Variants in CFAP54 observed in about 807,000 individuals in gnomAD.
CFAP54 encodes the protein cilia and flagella associated protein 54, also known as cilia- and flagella-associated protein 54.
In CFAP54, 290 loss-of-function variants were observed where a neutral mutation model predicts 370.4. That is an observed-to-expected ratio of 0.78 (90% confidence interval 0.71 to 0.86). The LOEUF (loss-of-function observed/expected upper bound fraction) is 0.86, where lower values mean the gene tolerates loss of function less well. Ranked by LOEUF, CFAP54 falls within the 40% of genes least tolerant of loss-of-function variation. The probability of loss-of-function intolerance (pLI) is 0.00; values close to 1 mark genes in which losing one functional copy is unlikely to be tolerated. For missense variants in CFAP54, 3,399 were observed against 3,528.7 expected (o/e 0.96, Z 0.93); for synonymous variants, 1,206 against 1,236.5 (o/e 0.98, Z 0.52).
intron 32 of CFAP54, among the ~76,000 whole-genome samples, chr12:96,634,044 A>ATTTTTTTTTTTTTTTTT (rs1238845346): frequency 1.2e-5 from 1 of 85,358 alleles, no homozygotes; most frequent in Admixed American, 1.4e-4. Context: ...GATAGCGAAC[A>ATTTTTTTTTTTTTTTTT]TCTTTTTTTT....
At chr12:96,850,629 G>T (rs186406494) in intron 66 of CFAP54, among the ~76,000 whole-genome samples, 3 of 152,236 alleles carry the variant, frequency 2.0e-5, no homozygotes, top group Non-Finnish European at 4.4e-5. Flanking sequence ...GGTCTCATGG[G>T]TGTGTATATT....
intron 35 of CFAP54, among the ~76,000 whole-genome samples, chr12:96,650,381 C>T (rs985400893): frequency 2.6e-5 from 4 of 151,958 alleles, no homozygotes; most frequent in South Asian, 2.1e-4. Context: ...ACCTCTCTGC[C>T]GAGACATGGG....
At chr12:96,829,607 A>G (rs1959164624) in intron 66 of CFAP54, among the ~76,000 whole-genome samples, 1 of 151,980 alleles carries the variant, frequency 6.6e-6, no homozygotes, top group Non-Finnish European at 1.5e-5. Flanking sequence ...CAGTTGATTG[A>G]TCTTAGTACA....
chr12:96,767,153 C>CT (rs1958408961), intron 60 of CFAP54, among the ~76,000 whole-genome samples: 1 of 152,204 alleles, frequency 6.6e-6, no homozygotes, highest in African/African-American at 2.4e-5. Context: ...ATATACACTG[C>CT]TTGTACAGGA....
chr12:96,776,088 A>C (rs1304786819), intron 60 of CFAP54, among the ~76,000 whole-genome samples: 1 of 152,174 alleles, frequency 6.6e-6, no homozygotes, highest in East Asian at 1.9e-4. Context: ...AAAACCAATA[A>C]AATTAGAAAG....
chr12:96,491,291 T>C (rs1565872474), intron 1 of CFAP54, among the ~76,000 whole-genome samples: 1 of 152,142 alleles, frequency 6.6e-6, no homozygotes, highest in Non-Finnish European at 1.5e-5. Flanking sequence ...GGGAAAGACC[T>C]GGGGTGGAAT....
chr12:96,823,593 C>T (rs1959056468), intron 65 of CFAP54, among the ~76,000 whole-genome samples: 1 of 152,176 alleles, frequency 6.6e-6, no homozygotes, highest in African/African-American at 2.4e-5. Flanking sequence ...TATGTGCTTC[C>T]TCTGCTCTGA....
chr12:96,826,374 A>AC, intron 65 of CFAP54, among the ~76,000 whole-genome samples: 1 of 137,664 alleles, frequency 7.3e-6, no homozygotes, highest in African/African-American at 2.7e-5. Flanking sequence ...AGTTATATAT[A>AC]TTCAATATAT....
At chr12:96,753,982 C>A in intron 56 of CFAP54, 84 bp downstream of exon 56, 3 of 1,390,222 alleles carry the variant, frequency 2.2e-6, no homozygotes, top group Non-Finnish European at 2.9e-6. Flanking sequence ...AAAATCTGGT[C>A]CCTGACTATA....
chr12:96,709,586 T>C (rs1957587356), intron 48 of CFAP54, among the ~76,000 whole-genome samples: 1 of 152,120 alleles, frequency 6.6e-6, no homozygotes. Flanking sequence ...CTGCATCTAT[T>C]GGGATGATTA....
At chr12:96,626,988 A>T (rs1176844945) in intron 30 of CFAP54, 49 bp downstream of exon 30, 2 of 1,214,308 alleles carry the variant, frequency 1.6e-6, no homozygotes, top group Non-Finnish European at 1.1e-6. Context: ...TAAAAAATGA[A>T]TATCATTGTC....
chr12:96,691,980 G>A (rs867090221), intron 44 of CFAP54, among the ~76,000 whole-genome samples: 5 of 148,878 alleles, frequency 3.4e-5, no homozygotes, highest in Admixed American at 2.0e-4. Context: ...TTATTTTTTC[G>A]CATCTCTTTT....
rs1451924119 is a variant in CFAP54, at chr12:96,513,056, A to G, written c.798+12A>G. 5 of 1,461,564 alleles carry G rather than the reference A, an allele frequency of 3.4e-6. No individual in the cohort carries two copies. The East Asian group carries it at 1.3e-4, about 38-fold the overall frequency. The allele number at this position is 1,461,564 out of a possible 1,614,324, so 90.5% of individuals were successfully genotyped here. On this transcript the variant is annotated intron_variant, in intron 5 of 67. Transcript: ENST00000524981. ...GTCAGTCTTCCAAGGTATGAAATGT[A>G]CTGACAAAATATTTTCCCCTCTATT...
At chr12:96,771,647 G>A (rs543851019) in intron 60 of CFAP54, among the ~76,000 whole-genome samples, 10 of 152,060 alleles carry the variant, frequency 6.6e-5, no homozygotes, top group African/African-American at 9.6e-5. Context: ...GCGAGACTCC[G>A]CCTCAAAAAC....
rs987108350 is a variant in CFAP54 at position 96,756,512 on chromosome 12, A to G, written c.7895A>G (p.Glu2632Gly). ...GAGAAATCTCCAAGTTTTCAACTTG[A>G]GAGTTTATATGAAGCTATACAACTA... Reference protein sequence around the residue: ...MEEKSPSFQLESLYEAIQLSL... With the variant: ...MEEKSPSFQLGSLYEAIQLSL... The change falls in exon 57 of 68, where the codon GAG (glutamate) becomes GGG (glycine). Residue 2632 changes from glutamate to glycine, a missense_variant. Physicochemically the swap from Glu to Gly is moderately conservative, Grantham distance 98. This residue lies in a region of CFAP54 where 2,796 missense variants were observed against 2,869.7 expected (regional missense o/e 0.97). Coordinates refer to ENST00000524981, the MANE Select transcript of CFAP54 (RefSeq NM_001306084.2). The G allele has an allele frequency of 1.9e-6, 3 of 1,604,792 alleles. No homozygotes were observed. The African/African-American group carries it at 4.0e-5, about 22-fold the overall frequency.
At chr12:96,613,861 G>C (rs1429614779) in intron 26 of CFAP54, among the ~76,000 whole-genome samples, 1 of 152,102 alleles carries the variant, frequency 6.6e-6, no homozygotes, top group Non-Finnish European at 1.5e-5. Flanking sequence ...TGAAATTGAG[G>C]CAATAATTAA....
At chr12:96,589,366 A>T (rs1956104079) in intron 22 of CFAP54, 61 bp from the exon 23 acceptor site, 1 of 1,298,070 alleles carries the variant, frequency 7.7e-7, no homozygotes, top group Non-Finnish European at 1.1e-6. Context: ...TTTAAGAATT[A>T]TTGTTTAAAA....
At chr12:96,523,845 C>T (rs927244853) in intron 8 of CFAP54, among the ~76,000 whole-genome samples, 3 of 151,514 alleles carry the variant, frequency 2.0e-5, no homozygotes, top group Admixed American at 1.3e-4. Flanking sequence ...TTTAAAATTC[C>T]AGATAAAATT....
At chr12:96,495,222 G>T (rs1055512253) in intron 1 of CFAP54, among the ~76,000 whole-genome samples, 2 of 151,626 alleles carry the variant, frequency 1.3e-5, no homozygotes, top group African/African-American at 4.9e-5. Context: ...ATATAGTTAT[G>T]ATTTTCTTTT....
Sources: allele counts gnomAD v4.1 joint callset (sites outside exome capture counted in the v4.1 genomes callset), GRCh38; gene constraint gnomAD v4.1.1; regional missense constraint gnomAD v4.1.1; transcripts MANE v1.5; gene names NCBI Gene and HGNC (gene_info 2026-07-23, HGNC 2026-07-21).